CLASP2: variants seen among roughly 807,000 people sequenced by gnomAD.
CLASP2 encodes cytoplasmic linker associated protein 2.
Under a neutral mutation model 194.4 loss-of-function variants are expected in CLASP2, and 47 were observed. The observed-to-expected ratio is 0.24, with a 90% CI of 0.19 to 0.31. CLASP2 has a LOEUF of 0.31. CLASP2 is among the 10% of genes least tolerant of loss of function. The pLI, the probability that CLASP2 is intolerant of heterozygous loss-of-function variation, is 1.00. For synonymous variants in CLASP2, 619 were observed against 633.5 expected (o/e 0.98, Z 0.34); for missense variants, 1,445 against 1,823.6 (o/e 0.79, Z 3.78).
At chr3:33,561,110 T>G (rs2061728495) in intron 27 of CLASP2, 139 bp from the exon 28 acceptor site, 6 of 695,974 alleles carry the variant, frequency 8.6e-6, no homozygotes, top group Non-Finnish European at 1.4e-5. Context: ...ACAATCTCTC[T>G]TGCTTTTCAT....
chr3:33,507,018 A>G (rs1014060837), intron 37 of CLASP2, among the ~76,000 whole-genome samples: 1 of 150,648 alleles, frequency 6.6e-6, no homozygotes, highest in Admixed American at 6.7e-5. Flanking sequence ...AGCTCACTGC[A>G]ACCTCTGCCT....
chr3:33,582,726 C>T (rs2066430735), intron 22 of CLASP2, among the ~76,000 whole-genome samples: 1 of 152,104 alleles, frequency 6.6e-6, no homozygotes, highest in Admixed American at 6.5e-5. Context: ...TTTCTCACCT[C>T]CTCACAAATG....
chr3:33,538,613 G>A (rs1017610454), intron 33 of CLASP2, among the ~76,000 whole-genome samples, 176 bp downstream of exon 33: 5 of 152,202 alleles, frequency 3.3e-5, no homozygotes. Flanking sequence ...TGATTTTGTT[G>A]TATAAATCTA....
chr3:33,564,570 A>G, intron 27 of CLASP2, among the ~76,000 whole-genome samples: 1 of 152,180 alleles, frequency 6.6e-6, no homozygotes, highest in South Asian at 2.1e-4. Flanking sequence ...TACTCTACAT[A>G]AGAAATTGTA....
chr3:33,715,188 G>A (rs2093234200), intron 1 of CLASP2, among the ~76,000 whole-genome samples: 2 of 152,182 alleles, frequency 1.3e-5, no homozygotes, highest in Admixed American at 6.5e-5. Context: ...CCAAAGTAGA[G>A]TCTCATAATC....
At chr3:33,571,250 T>C (rs1482340036) in intron 25 of CLASP2, among the ~76,000 whole-genome samples, 1 of 147,928 alleles carries the variant, frequency 6.8e-6, no homozygotes, top group African/African-American at 2.5e-5. Context: ...CCTGACCTCA[T>C]GATCCGCCCG....
chr3:33,627,327 T>C (rs146159386), intron 9 of CLASP2: 62 of 431,626 alleles, frequency 1.4e-4, no homozygotes, highest in African/African-American at 1.4e-4. Context: ...TCAAAATGCT[T>C]TGTAATTTTA....
In CLASP2 at chr3:33,559,476, T is replaced by C. The variant is rs189981687; in HGVS notation, c.2931-91A>G. 4.5e-3 allele frequency: 3,258 copies of C among 717,412 alleles called. 30 individuals are homozygous for C. The highest frequency in any genetic ancestry group is 5.6e-3 in the Non-Finnish European group (2,359 of 419,034). 44.4% of individuals were successfully genotyped at this position (717,412 alleles called of 1,614,324 possible). A position where few individuals can be genotyped will look rare whatever the true frequency, so the allele number is the denominator to read the frequency against. On this transcript the variant is annotated intron_variant, in intron 28 of 38. Transcript: ENST00000682230. Reference sequence around the variant, plus strand: ...GACTATGCTTAATACCAAAACATAATGTCATCCAAAAAACATCCATGAAGT... The same window carrying C: ...GACTATGCTTAATACCAAAACATAACGTCATCCAAAAAACATCCATGAAGT...
At chr3:33,590,040 TGAC>T (rs2068358662) in intron 21 of CLASP2, among the ~76,000 whole-genome samples, 1 of 152,138 alleles carries the variant, frequency 6.6e-6, no homozygotes, top group Non-Finnish European at 1.5e-5. Context: ...AAAATTCAGT[TGAC>T]ATTTGATTAA....
chr3:33,602,712 A>G (rs1360621084), intron 18 of CLASP2: 2 of 685,616 alleles, frequency 2.9e-6, no homozygotes, highest in East Asian at 2.7e-5. Flanking sequence ...TGAAAATTCT[A>G]CAGGCAATCA....
At chr3:33,577,368 C>G in intron 23 of CLASP2, 1 of 851,592 alleles carries the variant, frequency 1.2e-6, no homozygotes, top group Non-Finnish European at 1.9e-6. Context: ...TGGTGTTATT[C>G]TTTATAGTTA....
chr3:33,549,363 T>C (rs778296482), intron 30 of CLASP2, among the ~76,000 whole-genome samples: 36 of 152,236 alleles, frequency 2.4e-4, no homozygotes, highest in Non-Finnish European at 5.1e-4. Context: ...TTAACAGCTA[T>C]AAATTTCCCT....
At chr3:33,692,032 T>C (rs1425727406) in intron 2 of CLASP2, among the ~76,000 whole-genome samples, 3 of 151,980 alleles carry the variant, frequency 2.0e-5, no homozygotes, top group African/African-American at 7.3e-5. Flanking sequence ...TAGCCGAGCG[T>C]GATGATGCGT....
chr3:33,582,872 G>A (rs2066462824), intron 22 of CLASP2, among the ~76,000 whole-genome samples: 1 of 152,152 alleles, frequency 6.6e-6, no homozygotes, highest in Admixed American at 6.6e-5. Context: ...AGAGGCTCAT[G>A]GGCCAAATAC....
chr3:33,594,455 C>T (rs1250057749), intron 20 of CLASP2, among the ~76,000 whole-genome samples: 1 of 151,942 alleles, frequency 6.6e-6, no homozygotes, highest in Non-Finnish European at 1.5e-5. Flanking sequence ...GGTGTAATCT[C>T]AAATTCAATT....
intron 11 of CLASP2, among the ~76,000 whole-genome samples, 199 bp from the exon 12 acceptor site, chr3:33,619,937 T>C (rs1299231287): frequency 1.6e-4 from 25 of 152,196 alleles, no homozygotes; most frequent in Admixed American, 1.6e-3. Flanking sequence ...AACTGGCTAG[T>C]CCAAAGTTGA....
chr3:33,528,230 A>C (rs1260320577), intron 34 of CLASP2, among the ~76,000 whole-genome samples: 1 of 152,206 alleles, frequency 6.6e-6, no homozygotes, highest in Non-Finnish European at 1.5e-5. Context: ...AGACTTGACA[A>C]AATTCAACAC....
At chr3:33,536,643 G>T (rs1210116418) in intron 33 of CLASP2, among the ~76,000 whole-genome samples, 6 of 152,266 alleles carry the variant, frequency 3.9e-5, no homozygotes, top group Admixed American at 1.3e-4. Context: ...ACCTCCTATA[G>T]AGTTGAGTGA....
At chr3:33,712,870 A>C (rs150026943) in intron 1 of CLASP2, among the ~76,000 whole-genome samples, 2 of 152,098 alleles carry the variant, frequency 1.3e-5, no homozygotes, top group African/African-American at 2.4e-5. Context: ...GCTGAGGCAG[A>C]GGAACCACCT....
Sources: gnomAD v4.1 joint callset for allele counts (sites outside exome capture counted in the v4.1 genomes callset) on GRCh38, gnomAD v4.1.1 for gene constraint, MANE v1.5 for transcripts, NCBI Gene and HGNC (gene_info 2026-07-23, HGNC 2026-07-21) for gene names.